Variants in FARS2 observed in about 807,000 individuals in gnomAD.
FARS2 encodes phenylalanine--tRNA ligase, mitochondrial.
Under a neutral mutation model 46.4 loss-of-function variants are expected in FARS2, and 40 were observed. The observed-to-expected ratio is 0.86, with a 90% CI of 0.67 to 1.12. FARS2 has a LOEUF of 1.12. Among genes scored for constraint, FARS2 ranks in the 50% most tolerant of loss-of-function variants. The pLI is 0.00. For synonymous variants in FARS2, 234 were observed against 214.9 expected, an observed-to-expected ratio of 1.09 and a Z score of -0.78; for missense variants, 513 against 567.9, an observed-to-expected ratio of 0.90 and a Z score of 0.98.
intron 1 of FARS2, among the ~76,000 whole-genome samples, chr6:5,344,594 G>A (rs529763629): frequency 6.6e-6 from 1 of 152,258 alleles, no homozygotes; most frequent in East Asian, 1.9e-4. Context: ...TGCACCAACT[G>A]ATAAAATCTG....
intron 5 of FARS2, among the ~76,000 whole-genome samples, chr6:5,585,584 T>A (rs1773569478): frequency 1.3e-5 from 2 of 152,254 alleles, no homozygotes; most frequent in African/African-American, 4.8e-5. Context: ...TCTTTATATG[T>A]CTGGCCTATT....
At chr6:5,738,386 C>CA (rs1174272666) in intron 6 of FARS2, among the ~76,000 whole-genome samples, 1 of 152,190 alleles carries the variant, frequency 6.6e-6, no homozygotes, top group Non-Finnish European at 1.5e-5. Flanking sequence ...AAACAGAACC[C>CA]TAAAAGATGT....
chr6:5,578,721 A>G (rs899504811), intron 5 of FARS2, among the ~76,000 whole-genome samples: 1 of 148,270 alleles, frequency 6.7e-6, no homozygotes, highest in African/African-American at 2.5e-5. Flanking sequence ...AGGCGGGAGA[A>G]TGGTGTGAAC....
chr6:5,721,133 A>T (rs1272711298), intron 6 of FARS2, among the ~76,000 whole-genome samples: 3 of 152,268 alleles, frequency 2.0e-5, no homozygotes, highest in Admixed American at 2.0e-4. Flanking sequence ...TAATAAAACC[A>T]TTGCATATTA....
intron 2 of FARS2, among the ~76,000 whole-genome samples, chr6:5,397,779 A>T (rs577981633): frequency 6.6e-6 from 1 of 150,428 alleles, no homozygotes; most frequent in South Asian, 2.2e-4. Context: ...CTCCTTTATT[A>T]AATTGGGATA....
chr6:5,384,132 A>G (rs1036549089), intron 2 of FARS2, among the ~76,000 whole-genome samples: 1 of 152,172 alleles, frequency 6.6e-6, no homozygotes, highest in East Asian at 1.9e-4. Context: ...GCCTTGACAC[A>G]TGGAGATATT....
chr6:5,682,345 C>T (rs529355090), intron 6 of FARS2, among the ~76,000 whole-genome samples: 6 of 152,086 alleles, frequency 3.9e-5, no homozygotes, highest in South Asian at 2.1e-4. Flanking sequence ...TTTTTAAATT[C>T]GGCAATAAAT....
At chr6:5,411,233 C>A (rs1209220408) in intron 3 of FARS2, among the ~76,000 whole-genome samples, 9 of 152,152 alleles carry the variant, frequency 5.9e-5, no homozygotes, top group Admixed American at 5.9e-4. Flanking sequence ...GAGATATGAT[C>A]ATGCCCCTGC....
At chr6:5,683,734 G>A (rs1023466335) in intron 6 of FARS2, among the ~76,000 whole-genome samples, 12 of 152,122 alleles carry the variant, frequency 7.9e-5, no homozygotes, top group African/African-American at 2.7e-4. Context: ...AAGCCCCGGA[G>A]GCATTAGATA....
chr6:5,703,106 T>A (rs559793267), intron 6 of FARS2, among the ~76,000 whole-genome samples: 22 of 152,266 alleles, frequency 1.4e-4, no homozygotes, highest in African/African-American at 3.9e-4. Context: ...TTACTTTTTT[T>A]AAAATTGAAA....
chr6:5,303,067 A>G (rs1768435392), intron 1 of FARS2, among the ~76,000 whole-genome samples: 1 of 152,330 alleles, frequency 6.6e-6, no homozygotes, highest in Middle Eastern at 3.4e-3. Flanking sequence ...CTTTTAGAGA[A>G]GGAAACCGAA....
At chr6:5,451,611 A>G (rs899453069) in intron 4 of FARS2, 2 of 152,212 alleles carry the variant, frequency 1.3e-5, no homozygotes, top group Non-Finnish European at 2.9e-5. Flanking sequence ...CATAAGGCTA[A>G]TATAAAATCC....
At chr6:5,318,403 A>AAAC (rs1769714228) in intron 1 of FARS2, among the ~76,000 whole-genome samples, 1 of 150,936 alleles carries the variant, frequency 6.6e-6, no homozygotes, top group Non-Finnish European at 1.5e-5. Context: ...AAAAAAAAAA[A>AAAC]AAAACCCTAC....
intron 6 of FARS2, among the ~76,000 whole-genome samples, chr6:5,641,170 G>A (rs1268967601): frequency 6.6e-6 from 1 of 152,112 alleles, no homozygotes; most frequent in Non-Finnish European, 1.5e-5. Context: ...TGCTCACAGT[G>A]GTATGCCATC....
intron 1 of FARS2, among the ~76,000 whole-genome samples, chr6:5,309,924 C>T (rs1768973330): frequency 6.6e-6 from 1 of 151,990 alleles, no homozygotes; most frequent in Non-Finnish European, 1.5e-5. Flanking sequence ...TAATGAGGGG[C>T]AACTTGACTT....
chr6:5,444,354 C>A (rs1016767691), intron 4 of FARS2, among the ~76,000 whole-genome samples: 1 of 151,050 alleles, frequency 6.6e-6, no homozygotes, highest in Non-Finnish European at 1.5e-5. Flanking sequence ...GTAATCCCAG[C>A]TACTTGGGAG....
intron 5 of FARS2, among the ~76,000 whole-genome samples, chr6:5,580,295 A>C (rs1356598254): frequency 1.3e-5 from 2 of 150,964 alleles, no homozygotes; most frequent in East Asian, 3.9e-4. Context: ...GTCTCAAAAA[A>C]AAAAAAAAAA....
At chr6:5,711,244 A>G (rs569433544) in intron 6 of FARS2, among the ~76,000 whole-genome samples, 5 of 152,254 alleles carry the variant, frequency 3.3e-5, no homozygotes, top group South Asian at 2.1e-4. Flanking sequence ...CACAAAGTAT[A>G]AAATAAAAAT....
chr6:5,690,143 T>G (rs1186942596), intron 6 of FARS2, among the ~76,000 whole-genome samples: 2 of 152,158 alleles, frequency 1.3e-5, no homozygotes, highest in African/African-American at 4.8e-5. Flanking sequence ...GGTCTTGACT[T>G]TTTATCCAAT....
Sources: gnomAD v4.1 joint callset for allele counts (sites outside exome capture counted in the v4.1 genomes callset) on GRCh38, gnomAD v4.1.1 for gene constraint, MANE v1.5 for transcripts, NCBI Gene and HGNC (gene_info 2026-07-23, HGNC 2026-07-21) for gene names.